CCDC50: variants seen among roughly 807,000 people sequenced by gnomAD.
CCDC50 encodes the protein coiled-coil domain-containing protein 50.
Under a neutral mutation model 70.2 loss-of-function variants are expected in CCDC50, and 54 were observed. That is an observed-to-expected ratio of 0.77 (90% confidence interval 0.62 to 0.96). CCDC50 has a LOEUF of 0.96. CCDC50 is among the 50% of genes least tolerant of loss of function. The probability of loss-of-function intolerance (pLI) is 0.00; values close to 1 mark genes in which losing one functional copy is unlikely to be tolerated. For missense variants in CCDC50, 558 were observed against 578.7 expected, an observed-to-expected ratio of 0.96 and a Z score of 0.37; for synonymous variants, 216 against 198.8, an observed-to-expected ratio of 1.09 and a Z score of -0.73.
rs772939958 is a variant in CCDC50, at chr3:191,375,579, C to G, written c.966C>G (p.Leu322=). The change falls in exon 6 of 12, where the codon CTC becomes CTG. Residue 322 remains leucine, a synonymous_variant. Coordinates refer to ENST00000392455, the MANE Select transcript of CCDC50 (RefSeq NM_178335.3). ...PFSESEEQLH[L]HDAGMKPRVM... Reference sequence around the variant, plus strand: ...CAGAGAGTGAGGAGCAGCTCCACCTCCATGACGCAGGTAATAGAGGACAGT... The same window carrying G: ...CAGAGAGTGAGGAGCAGCTCCACCTGCATGACGCAGGTAATAGAGGACAGT... 2 of 1,612,926 alleles carry G rather than the reference C, an allele frequency of 1.2e-6. No individual in the cohort carries two copies. Among genetic ancestry groups the G allele is most frequent in the South Asian group, 2.2e-5 (2 of 90,942 alleles).
intron 4 of CCDC50, among the ~76,000 whole-genome samples, 173 bp downstream of exon 4, chr3:191,361,332 G>A (rs965362449): frequency 2.0e-5 from 3 of 152,184 alleles, no homozygotes; most frequent in Admixed American, 2.0e-4. Context: ...TCTTGATTAT[G>A]TAAATGGTAA....
At chr3:191,331,293 G>A (rs1204869606) in intron 1 of CCDC50, among the ~76,000 whole-genome samples, 1 of 152,282 alleles carries the variant, frequency 6.6e-6, no homozygotes, top group Admixed American at 6.5e-5. Context: ...CCCTATTCAT[G>A]TGAGTGAAAA....
chr3:191,329,790 G>C, intron 1 of CCDC50, 67 bp downstream of exon 1: 19 of 1,545,914 alleles, frequency 1.2e-5, no homozygotes, highest in Non-Finnish European at 1.6e-5. Context: ...TCTCAGGTCA[G>C]GGGCGTTGCC....
At chr3:191,373,033 C>G (rs1044282253) in intron 5 of CCDC50, among the ~76,000 whole-genome samples, 2 of 151,698 alleles carry the variant, frequency 1.3e-5, no homozygotes, top group African/African-American at 2.4e-5. Context: ...TTTTGAAAGC[C>G]AAACATGGAG....
chr3:191,365,211 G>A (rs1158063911), intron 4 of CCDC50, among the ~76,000 whole-genome samples: 3 of 151,132 alleles, frequency 2.0e-5, no homozygotes, highest in Non-Finnish European at 4.4e-5. Flanking sequence ...AAAGTTTGTG[G>A]CACTAGTTTA....
chr3:191,369,829 C>A (rs1712833774), intron 4 of CCDC50, 90 bp from the exon 5 acceptor site: 5 of 900,128 alleles, frequency 5.6e-6, no homozygotes, highest in South Asian at 5.2e-5. Context: ...AGAGCACATA[C>A]AAACTTGGCA....
At chr3:191,387,642 A>G (rs1713543840) in intron 10 of CCDC50, among the ~76,000 whole-genome samples, 1 of 151,966 alleles carries the variant, frequency 6.6e-6, no homozygotes, top group South Asian at 2.1e-4. Flanking sequence ...TCTTAAGAGC[A>G]TTCTAGAACA....
intron 6 of CCDC50, among the ~76,000 whole-genome samples, chr3:191,379,429 C>T (rs1283695021): frequency 6.6e-6 from 1 of 152,002 alleles, no homozygotes; most frequent in East Asian, 1.9e-4. Flanking sequence ...TTTATTAATT[C>T]TGAATATAAT....
At chr3:191,340,444 A>G (rs1448016876) in intron 1 of CCDC50, among the ~76,000 whole-genome samples, 1 of 152,226 alleles carries the variant, frequency 6.6e-6, no homozygotes, top group Non-Finnish European at 1.5e-5. Flanking sequence ...AGGAAACTAC[A>G]TTTAGTTTTA....
intron 3 of CCDC50, among the ~76,000 whole-genome samples, chr3:191,358,982 G>T (rs895369301): frequency 3.9e-5 from 6 of 152,108 alleles, no homozygotes; most frequent in African/African-American, 1.4e-4. Context: ...TAATCATTTT[G>T]TTAAGCTTCC....
chr3:191,365,873 T>G (rs1712670442), intron 4 of CCDC50, among the ~76,000 whole-genome samples: 3 of 152,190 alleles, frequency 2.0e-5, no homozygotes. Flanking sequence ...ATATACAGAT[T>G]GAGCATCCAA....
chr3:191,389,888 T>TCTCA (rs1713625026), intron 11 of CCDC50, among the ~76,000 whole-genome samples: 1 of 120,042 alleles, frequency 8.3e-6, no homozygotes, highest in South Asian at 2.8e-4. Flanking sequence ...TGAGTCGGAG[T>TCTCA]CTCACTGTGT....
intron 4 of CCDC50, among the ~76,000 whole-genome samples, chr3:191,362,266 C>T (rs1157439783): frequency 7.9e-5 from 12 of 151,982 alleles, no homozygotes; most frequent in South Asian, 2.1e-4. Flanking sequence ...TACAGGCACA[C>T]GCGCCCACAC....
chr3:191,398,269 T>A lies in CCDC50; in HGVS notation c.*6509T>A, dbSNP rs1296025668. ...CATGGTTTGTTTTTTACACTATATT[T>A]CTCATTAGGTTCTTTAAACATCAGG... On this transcript the variant is annotated 3_prime_UTR_variant, in exon 12 of 12. Coordinates refer to ENST00000392455, the MANE Select transcript of CCDC50 (RefSeq NM_178335.3). 1 of 152,200 alleles carries A rather than the reference T, an allele frequency of 6.6e-6. No individual in the cohort carries two copies. The highest frequency in any genetic ancestry group is 2.4e-5 in the African/African-American group (1 of 41,454). 9.4% of individuals were successfully genotyped at this position (152,200 alleles called of 1,614,324 possible).
At chr3:191,330,321 ACAC>A (rs764939843) in intron 1 of CCDC50, 52 of 153,214 alleles carry the variant, frequency 3.4e-4, no homozygotes, top group East Asian at 1.2e-3. Context: ...ACACACACAC[ACAC>A]ACACAATAGT....
chr3:191,344,869 A>G (rs1357030451), intron 1 of CCDC50, among the ~76,000 whole-genome samples: 1 of 152,182 alleles, frequency 6.6e-6, no homozygotes. Flanking sequence ...GTGAGCCACC[A>G]TGCCCAGCCA....
At position 191,380,945 on chromosome 3, in the gene CCDC50, T is replaced by G; in HGVS notation, c.1242+13T>G. 6.3e-7 allele frequency: 1 copy of G among 1,599,072 alleles called. No homozygotes were observed. The highest frequency in any genetic ancestry group is 8.5e-7 in the Non-Finnish European group (1 of 1,169,696). On this transcript the variant is annotated intron_variant, in intron 9 of 11. Transcript: ENST00000392455. ...CCCCGAGTGGAAGGTAGAGTGTGTT[T>G]TGTTTGTTTTCTAATTAGAAATAAA...
chr3:191,375,433 C>A lies in CCDC50; in HGVS notation c.820C>A (p.Arg274=). ...GGAAAAACAGTCTCGACACCAAGAT[C>A]GACTTTCACCCAAGTCCTCACAAAA... is the stretch of plus-strand genomic sequence containing the variant. ...NWEKQSRHQD[R]LSPKSSQKAG... is the part of the protein sequence containing the mutation. The change falls in exon 6 of 12, where the codon CGA becomes AGA. Residue 274 remains arginine (R), a synonymous_variant. Coordinates refer to ENST00000392455, the MANE Select transcript of CCDC50 (RefSeq NM_178335.3). 1 of 1,613,758 alleles carries A rather than the reference C, an allele frequency of 6.2e-7. No individual in the cohort carries two copies. The highest frequency in any genetic ancestry group is 8.5e-7 in the Non-Finnish European group (1 of 1,179,844).
chr3:191,389,620 G>A lies in CCDC50; in HGVS notation c.1429+18G>A, dbSNP rs112153069. The A allele has an allele frequency of 1.8e-5, 28 of 1,570,922 alleles. 2 individuals are homozygous for A. In the African/African-American group the frequency reaches 1.9e-4, roughly 11 times the overall value. ...TCATAAAGGTAAGAAGAGTATGTAT[G>A]GTCAAGTTTAGGATCTTCTTTTTTT... On this transcript the variant is annotated intron_variant, in intron 11 of 11. Coordinates refer to ENST00000392455, the MANE Select transcript of CCDC50 (RefSeq NM_178335.3).
Sources: gnomAD v4.1 joint callset for allele counts (sites outside exome capture counted in the v4.1 genomes callset) on GRCh38, gnomAD v4.1.1 for gene constraint, MANE v1.5 for transcripts, NCBI Gene and HGNC (gene_info 2026-07-23, HGNC 2026-07-21) for gene names.